The following AFF3 variants were observed in gnomAD, a reference collection of about 807,000 sequenced individuals.
The protein encoded by AFF3 is AF4/FMR2 family member 3.
In AFF3, 32 loss-of-function variants were observed where a neutral mutation model predicts 129.7. That is an observed-to-expected ratio of 0.25 (90% CI 0.19 to 0.33). The LOEUF (loss-of-function observed/expected upper bound fraction) is 0.33. AFF3 is among the 10% of genes least tolerant of loss of function. The pLI is 1.00. For synonymous variants in AFF3, 644 were observed against 635.4 expected (o/e 1.01, Z -0.20); for missense variants, 1,373 against 1,592.0 (o/e 0.86, Z 2.34).
At chr2:99,708,347 T>C (rs1447952881) in intron 11 of AFF3, among the ~76,000 whole-genome samples, 1 of 152,152 alleles carries the variant, frequency 6.6e-6, no homozygotes, top group East Asian at 1.9e-4. Flanking sequence ...GATTACCTCA[T>C]TTTAGTTTAT....
intron 1 of AFF3, among the ~76,000 whole-genome samples, chr2:100,137,786 G>A (rs1020794053): frequency 3.3e-5 from 5 of 152,200 alleles, no homozygotes; most frequent in Admixed American, 2.6e-4. Context: ...CCTTGCAGGG[G>A]TGTTGTGGGA....
At chr2:99,933,044 T>A (rs1674182585) in intron 7 of AFF3, among the ~76,000 whole-genome samples, 1 of 152,168 alleles carries the variant, frequency 6.6e-6, no homozygotes, top group Non-Finnish European at 1.5e-5. Flanking sequence ...TATATGTGCA[T>A]AATTAAAAGA....
At chr2:99,589,730 G>C (rs1261187437) in intron 15 of AFF3, among the ~76,000 whole-genome samples, 1 of 152,038 alleles carries the variant, frequency 6.6e-6, no homozygotes, top group African/African-American at 2.4e-5. Flanking sequence ...TGGAGAAACT[G>C]ATGTTCAGAG....
chr2:100,019,950 T>C (rs1464959116), intron 4 of AFF3, among the ~76,000 whole-genome samples: 8 of 152,196 alleles, frequency 5.3e-5, no homozygotes, highest in African/African-American at 1.9e-4. Context: ...ATTGGCTTTT[T>C]TGAATCAGCA....
intron 4 of AFF3, among the ~76,000 whole-genome samples, chr2:100,083,241 C>T (rs1359516627): frequency 1.3e-5 from 2 of 152,108 alleles, no homozygotes; most frequent in Admixed American, 1.3e-4. Flanking sequence ...TGACTTGCTA[C>T]GAGGAAGTCT....
intron 7 of AFF3, among the ~76,000 whole-genome samples, chr2:99,990,525 G>A (rs1680246172): frequency 6.6e-6 from 1 of 151,932 alleles, no homozygotes; most frequent in African/African-American, 2.4e-5. Flanking sequence ...TTAAATAACT[G>A]ACGTTTGTCC....
chr2:99,779,585 T>C (rs554898650), intron 8 of AFF3, among the ~76,000 whole-genome samples: 1 of 152,310 alleles, frequency 6.6e-6, no homozygotes, highest in Admixed American at 6.5e-5. Flanking sequence ...ATGCATATAC[T>C]GCGTAGTGGT....
chr2:99,578,184 G>A, intron 18 of AFF3, 143 bp downstream of exon 18: 3 of 1,210,804 alleles, frequency 2.5e-6, no homozygotes, highest in Non-Finnish European at 3.4e-6. Context: ...ATTCAAGAGG[G>A]ACATTTAAAT....
chr2:99,907,085 C>T (rs1159049788), intron 7 of AFF3, among the ~76,000 whole-genome samples: 1 of 152,154 alleles, frequency 6.6e-6, no homozygotes, highest in Non-Finnish European at 1.5e-5. Flanking sequence ...AAATCAACCT[C>T]CCTCAACCCC....
intron 14 of AFF3, among the ~76,000 whole-genome samples, chr2:99,599,446 A>C (rs935411885): frequency 1.3e-5 from 2 of 152,104 alleles, no homozygotes; most frequent in Non-Finnish European, 2.9e-5. Context: ...TTTAGTAGAC[A>C]CATGGTTTTA....
chr2:99,947,602 A>G (rs1413859109), intron 7 of AFF3, among the ~76,000 whole-genome samples: 1 of 31,464 alleles, frequency 3.2e-5, no homozygotes, highest in Admixed American at 2.7e-4. Context: ...AAAGAAAGAA[A>G]GATAGATAGA....
intron 8 of AFF3, among the ~76,000 whole-genome samples, chr2:99,805,365 G>T (rs1486519310): frequency 6.6e-6 from 1 of 152,158 alleles, no homozygotes; most frequent in East Asian, 1.9e-4. Flanking sequence ...TACATTGGTG[G>T]TATTATGATA....
intron 11 of AFF3, among the ~76,000 whole-genome samples, chr2:99,700,768 G>C (rs1271475094): frequency 6.6e-6 from 1 of 152,208 alleles, no homozygotes; most frequent in Non-Finnish European, 1.5e-5. Context: ...TTGTGCTGCA[G>C]AAGGACAAAC....
intron 7 of AFF3, among the ~76,000 whole-genome samples, chr2:99,874,919 C>A (rs1026825098): frequency 1.3e-5 from 2 of 151,582 alleles, no homozygotes; most frequent in South Asian, 4.2e-4. Flanking sequence ...GAGTGAGACA[C>A]GGAGAAAAAG....
chr2:99,843,505 G>T lies in AFF3; in HGVS notation c.874-5981C>A, dbSNP rs550801270. Among the ~76,000 whole-genome samples the T allele has an allele frequency of 3.2e-4, 48 of 152,330 alleles. 1 individual carries two copies. In the South Asian group the frequency reaches 9.7e-3, roughly 31 times the overall value. On this transcript the variant is annotated intron_variant, in intron 7 of 24. Transcript: ENST00000672756. ...TGAGATATGCTAGGAAAAAGGAAGA[G>T]AAATATAATTATTATAGTTAGAAGT... is the stretch of plus-strand genomic sequence containing the variant.
chr2:99,681,929 C>T (rs1249114826), intron 11 of AFF3, among the ~76,000 whole-genome samples: 12 of 122,958 alleles, frequency 9.8e-5, no homozygotes, highest in Admixed American at 7.7e-4. Context: ...TTTTTTGAGA[C>T]GGAGTCTCGT....
chr2:99,624,708 G>A (rs1682375780), intron 13 of AFF3, among the ~76,000 whole-genome samples: 1 of 152,156 alleles, frequency 6.6e-6, no homozygotes, highest in Admixed American at 6.5e-5. Context: ...GCAAGAAAAA[G>A]CTTCCACTTT....
At chr2:99,827,930 C>G (rs1401666374) in intron 8 of AFF3, among the ~76,000 whole-genome samples, 1 of 152,026 alleles carries the variant, frequency 6.6e-6, no homozygotes, top group African/African-American at 2.4e-5. Context: ...ATCCATCTCT[C>G]TGGGGACAGA....
intron 11 of AFF3, among the ~76,000 whole-genome samples, chr2:99,705,900 A>C (rs1024903924): frequency 1.5e-4 from 21 of 138,446 alleles, no homozygotes; most frequent in African/African-American, 3.3e-4. Flanking sequence ...AAAAAAAAAA[A>C]CACGCCCTTT....
Sources: gnomAD v4.1 joint callset for allele counts (sites outside exome capture counted in the v4.1 genomes callset) on GRCh38, gnomAD v4.1.1 for gene constraint, MANE v1.5 for transcripts, NCBI Gene and HGNC (gene_info 2026-07-23, HGNC 2026-07-21) for gene names.